LRRIQ3: variants seen among roughly 807,000 people sequenced by gnomAD.
LRRIQ3 encodes leucine rich repeats and IQ motif containing 3.
In LRRIQ3, 75 loss-of-function variants were observed where a neutral mutation model predicts 59.3. The observed-to-expected ratio is 1.26, with a 90% CI of 1.05 to 1.53. LRRIQ3 has a LOEUF of 1.53. LRRIQ3 is among the 40% of genes most tolerant of loss of function. The probability of loss-of-function intolerance (pLI) is 0.00; values close to 1 mark genes in which losing one functional copy is unlikely to be tolerated. For missense variants in LRRIQ3, 831 were observed against 710.0 expected (o/e 1.17, Z -1.94); for synonymous variants, 250 against 231.3 (o/e 1.08, Z -0.73).
At chr1:74,125,916 GA>G (rs1174427669) in intron 4 of LRRIQ3, among the ~76,000 whole-genome samples, 1 of 151,704 alleles carries the variant, frequency 6.6e-6, no homozygotes, top group Non-Finnish European at 1.5e-5. Context: ...GGAACAGTTT[GA>G]ATAGGATTGG....
intron 4 of LRRIQ3, among the ~76,000 whole-genome samples, chr1:74,115,201 C>G (rs1646762321): frequency 6.6e-6 from 1 of 152,032 alleles, no homozygotes; most frequent in South Asian, 2.1e-4. Context: ...TCAAAAAACA[C>G]TGTTCTAGAC....
rs1377360404 is a variant in LRRIQ3, at chr1:74,182,657, T to TG, written c.453dup (p.Lys152GlnfsTer10). On this transcript the variant is annotated frameshift_variant, in exon 3 of 8. Coordinates refer to ENST00000354431, the MANE Select transcript of LRRIQ3 (RefSeq NM_001105659.2). LOFTEE classifies it high-confidence loss of function. The stretch of plus-strand genomic sequence containing the variant: ...GAAATCACATGATGATCCAGCGCTT[T>TG]GAGAGGCCATATACTGTTAACAAGA... 6.2e-7 allele frequency: 1 copy of TG among 1,611,852 alleles called. No individual in the cohort carries two copies. Among genetic ancestry groups the TG allele is most frequent in the Admixed American group, 1.7e-5 (1 of 59,800 alleles).
chr1:74,149,672 A>G lies in LRRIQ3; in HGVS notation c.707+6061T>C, dbSNP rs188315626. Among the ~76,000 whole-genome samples, 6 of 152,254 alleles carry G rather than the reference A, an allele frequency of 3.9e-5. No homozygotes were observed. In the East Asian group the frequency reaches 7.7e-4, roughly 20 times the overall value. ...GTATTCCATTTCATTCATTTCTGATACTACTTTTCTTATTCCCCTTTACTC... is the reference window on the plus strand; with the variant it reads ...GTATTCCATTTCATTCATTTCTGATGCTACTTTTCTTATTCCCCTTTACTC... On this transcript the variant is annotated intron_variant, in intron 4 of 7. Coordinates refer to ENST00000354431, the MANE Select transcript of LRRIQ3 (RefSeq NM_001105659.2).
chr1:74,057,804 C>A (rs1265231347), intron 6 of LRRIQ3, among the ~76,000 whole-genome samples: 1 of 151,982 alleles, frequency 6.6e-6, no homozygotes, highest in Non-Finnish European at 1.5e-5. Flanking sequence ...AATTGGAGAA[C>A]ATATTCACAA....
intron 4 of LRRIQ3, among the ~76,000 whole-genome samples, chr1:74,149,559 G>T (rs12723267): frequency 6.6e-6 from 1 of 152,000 alleles, no homozygotes; most frequent in Non-Finnish European, 1.5e-5. Flanking sequence ...CAGTCTTGCT[G>T]GAGTACTACC....
chr1:74,115,306 T>C (rs1030159287), intron 4 of LRRIQ3, among the ~76,000 whole-genome samples: 4 of 152,166 alleles, frequency 2.6e-5, no homozygotes, highest in East Asian at 1.9e-4. Context: ...TGATGAATTA[T>C]AAGGACAAAA....
chr1:74,069,091 T>TA (rs1364948067), intron 6 of LRRIQ3, among the ~76,000 whole-genome samples: 1 of 152,074 alleles, frequency 6.6e-6, no homozygotes, highest in Non-Finnish European at 1.5e-5. Context: ...CTCAAATAAT[T>TA]AAACTTTTGA....
At chr1:74,057,039 G>A (rs1447288591) in intron 6 of LRRIQ3, among the ~76,000 whole-genome samples, 1 of 151,906 alleles carries the variant, frequency 6.6e-6, no homozygotes, top group Non-Finnish European at 1.5e-5. Context: ...AGTTTCCTGG[G>A]GCCTCCCCAG....
At chr1:74,118,331 A>G (rs892488729) in intron 4 of LRRIQ3, among the ~76,000 whole-genome samples, 18 of 152,162 alleles carry the variant, frequency 1.2e-4, no homozygotes, top group Non-Finnish European at 8.8e-5. Flanking sequence ...AGTTTGTTAA[A>G]TGTATTTTTT....
At chr1:74,131,174 G>T (rs1244463891) in intron 4 of LRRIQ3, among the ~76,000 whole-genome samples, 2 of 152,044 alleles carry the variant, frequency 1.3e-5, no homozygotes, top group African/African-American at 4.8e-5. Flanking sequence ...GACTAAACCA[G>T]GAGGAAGCTG....
At chr1:74,104,065 A>C (rs969919284) in intron 5 of LRRIQ3, among the ~76,000 whole-genome samples, 1 of 152,132 alleles carries the variant, frequency 6.6e-6, no homozygotes, top group African/African-American at 2.4e-5. Context: ...TAAAAGGAAA[A>C]TTACATCTCA....
intron 3 of LRRIQ3, chr1:74,181,449 C>A (rs1649972357): frequency 6.6e-6 from 1 of 151,814 alleles, no homozygotes; most frequent in African/African-American, 2.4e-5. Flanking sequence ...TTTAGTAGGT[C>A]ATCCAAGTTC....
chr1:74,064,435 A>G (rs765000642), intron 6 of LRRIQ3, among the ~76,000 whole-genome samples: 1 of 152,158 alleles, frequency 6.6e-6, no homozygotes, highest in Middle Eastern at 3.4e-3. Context: ...AAGTTAAAAG[A>G]GAAAAGGAGA....
At chr1:74,193,007 C>T (rs1650866904) in intron 1 of LRRIQ3, among the ~76,000 whole-genome samples, 1 of 152,092 alleles carries the variant, frequency 6.6e-6, no homozygotes, top group African/African-American at 2.4e-5. Context: ...ATCATTGCAG[C>T]TATGGGCCCA....
chr1:74,187,730 A>G (rs1650497505), intron 1 of LRRIQ3, among the ~76,000 whole-genome samples: 1 of 152,122 alleles, frequency 6.6e-6, no homozygotes, highest in Non-Finnish European at 1.5e-5. Flanking sequence ...CCCAACAACT[A>G]TTGAAATAAA....
intron 6 of LRRIQ3, 77 bp from the exon 7 acceptor site, chr1:74,042,010 A>G: frequency 7.5e-7 from 1 of 1,329,804 alleles, no homozygotes; most frequent in East Asian, 2.5e-5. Flanking sequence ...ATATATCAAT[A>G]AACTTGATAA....
intron 5 of LRRIQ3, among the ~76,000 whole-genome samples, chr1:74,106,121 T>C (rs777284795): frequency 2.0e-5 from 3 of 152,006 alleles, no homozygotes; most frequent in Non-Finnish European, 4.4e-5. Flanking sequence ...ATTCCAATTT[T>C]CATGCCTCAA....
chr1:74,150,630 G>T (rs1570215373), intron 4 of LRRIQ3, among the ~76,000 whole-genome samples: 2 of 152,004 alleles, frequency 1.3e-5, no homozygotes, highest in African/African-American at 2.4e-5. Context: ...CATTTAGATG[G>T]TTCCTACATT....
intron 5 of LRRIQ3, among the ~76,000 whole-genome samples, chr1:74,100,123 G>A (rs1646508879): frequency 6.6e-6 from 1 of 152,140 alleles, no homozygotes; most frequent in South Asian, 2.1e-4. Flanking sequence ...AATTGTCCCT[G>A]TCTGCAGATG....
Sources: allele counts gnomAD v4.1 joint callset (sites outside exome capture counted in the v4.1 genomes callset), GRCh38; gene constraint gnomAD v4.1.1; transcripts MANE v1.5; gene names NCBI Gene and HGNC (gene_info 2026-07-23, HGNC 2026-07-21).